NELFCD: variants seen among roughly 807,000 people sequenced by gnomAD.
NELFCD encodes negative elongation factor C/D.
In NELFCD, 48 loss-of-function variants were observed where a neutral mutation model predicts 72.9. The observed-to-expected ratio is 0.66, with a 90% CI of 0.52 to 0.84. The LOEUF is 0.84. Among genes scored for constraint, NELFCD ranks in the 40% least tolerant of loss-of-function variants. The pLI is 0.00. For missense variants in NELFCD, 538 were observed against 723.8 expected (o/e 0.74, Z 2.94); for synonymous variants, 297 against 280.6 (o/e 1.06, Z -0.59).
At position 58,981,353 on chromosome 20, in the gene NELFCD, A is replaced by T; in HGVS notation, c.44A>T (p.Glu15Val). 1 of 1,108,248 alleles carries T rather than the reference A, an allele frequency of 9.0e-7. No individual in the cohort carries two copies. Among genetic ancestry groups the T allele is most frequent in the Non-Finnish European group, 1.1e-6 (1 of 904,918 alleles). 68.7% of individuals were successfully genotyped at this position (1,108,248 alleles called of 1,614,324 possible). The change falls in exon 1 of 15, where the codon GAG (glutamate) becomes GTG (valine). Residue 15 changes from glutamate to valine, a missense_variant. By Grantham distance (121) the Glu-to-Val change is moderately radical. Transcript: ENST00000652272. ...YYGSAAEWGD[E>V]ADGGQQEDDS... ...GGGAGCGCGGCCGAGTGGGGCGACG[A>T]GGCTGACGGCGGCCAGGTGAGGCGG...
chr20:58,986,769 A>C lies in NELFCD; in HGVS notation c.192A>C (p.Gly64=). 1 of 1,612,022 alleles carries C rather than the reference A, an allele frequency of 6.2e-7. No homozygotes were observed. The highest frequency in any genetic ancestry group is 8.5e-7 in the Non-Finnish European group (1 of 1,178,098). ...CTTTCCCTAGGTATTTTCAGGCAGG[A>C]GGGTCTCCAGAGAATGTTATCCAGC... ...FNTLKRYFQA[G]GSPENVIQLL... Residue 64 remains glycine (G), a synonymous_variant, in exon 3 of 15, where the codon GGA becomes GGC. Transcript: ENST00000652272. This position sits in a 1 kb window ranked among gnomAD's most constrained non-coding sequence, Gnocchi z 4.4.
At position 58,991,296 on chromosome 20, in the gene NELFCD, A is replaced by T; in HGVS notation, c.955-16A>T. On this transcript the variant is annotated splice_polypyrimidine_tract_variant and intron_variant, in intron 8 of 14. Transcript: ENST00000652272. ...TCACGCCTGCCATCCCGAACTGGGC[A>T]TATGCTTCTCCTCAGATCCGCGTTC... 6.2e-7 allele frequency: 1 copy of T among 1,614,178 alleles called. No individual in the cohort carries two copies. The highest frequency in any genetic ancestry group is 8.5e-7 in the Non-Finnish European group (1 of 1,180,030).
intron 3 of NELFCD, chr20:58,987,440 T>C (rs1291609236): frequency 2.3e-6 from 1 of 427,474 alleles, no homozygotes; most frequent in Non-Finnish European, 4.2e-6. Context: ...CTGGGGCCAT[T>C]TGTCTTTATC....
rs144525220 is a variant in NELFCD at position 58,993,727 on chromosome 20, A to T, written c.1544A>T (p.Asp515Val). The change falls in exon 13 of 15, where the codon GAC (aspartate) becomes GTC (valine). Residue 515 changes from aspartate to valine, a missense_variant. Asp to Val is a radical substitution (Grantham distance 152). Around this residue, in one of 3 missense-constraint regions of NELFCD, gnomAD observed 136 missense variants for 154.0 expected, o/e 0.88. Transcript: ENST00000652272. The surrounding 1 kb of genome is among the most constrained non-coding windows in gnomAD (Gnocchi z 5.0). ...ATCCGAAAGTGTCTGGAGAAGCTGG[A>T]CACTGACATTTCACTCATTCGCTAT... is the stretch of plus-strand genomic sequence containing the variant. The part of the protein sequence containing the change: ...SYIRKCLEKL[D>V]TDISLIRYFV... 1.2e-6 allele frequency: 2 copies of T among 1,614,136 alleles called. No homozygotes were observed. Among genetic ancestry groups the T allele is most frequent in the Non-Finnish European group, 1.7e-6 (2 of 1,180,054 alleles).
intron 1 of NELFCD, among the ~76,000 whole-genome samples, chr20:58,981,785 T>G (rs2091735125): frequency 6.6e-6 from 1 of 152,216 alleles, no homozygotes; most frequent in Admixed American, 6.5e-5. Flanking sequence ...TGGAAAAACT[T>G]CACAGCAGCA....
chr20:58,991,197 C>A, intron 8 of NELFCD, 115 bp from the exon 9 acceptor site: 1 of 1,554,464 alleles, frequency 6.4e-7, no homozygotes, highest in South Asian at 1.2e-5. Flanking sequence ...CTTCCTCAGT[C>A]ACACTCTCTG....
intron 5 of NELFCD, 153 bp from the exon 6 acceptor site, chr20:58,989,335 C>T: frequency 1.1e-6 from 1 of 875,464 alleles, no homozygotes; most frequent in Non-Finnish European, 1.8e-6. Flanking sequence ...AGGGCACACA[C>T]CTAGGTGATA....
intron 4 of NELFCD, 115 bp from the exon 5 acceptor site, chr20:58,988,799 A>G: frequency 1.4e-6 from 1 of 709,160 alleles, no homozygotes; most frequent in South Asian, 1.7e-5. Context: ...CCAGAACTAG[A>G]TGCCCATGGG....
intron 10 of NELFCD, 94 bp downstream of exon 10, chr20:58,992,114 C>A: frequency 7.9e-7 from 1 of 1,271,752 alleles, no homozygotes; most frequent in Non-Finnish European, 1.1e-6. Flanking sequence ...AAAGCTTCAG[C>A]GATACTTGTT....
Position 58,994,826 on chromosome 20 carries a change from TAGC to T in NELFCD, c.*154_*156del, listed in dbSNP as rs2091847821. The T allele has an allele frequency of 4.5e-6, 3 of 666,538 alleles. No homozygotes were observed. Among genetic ancestry groups the T allele is most frequent in the Admixed American group, 2.7e-5 (1 of 37,652 alleles). 41.3% of individuals were successfully genotyped at this position (666,538 alleles called of 1,614,324 possible). A position where few individuals can be genotyped will look rare whatever the true frequency, so the allele number is the denominator to read the frequency against. ...ATGACTTCTTTACAAAGGAAAATGG[TAGC>T]AGCTTCAGTGAGAAACTGCCCTTAC... On this transcript the variant is annotated 3_prime_UTR_variant, in exon 15 of 15. Transcript: ENST00000652272.
chr20:58,983,463 G>A lies in NELFCD; in HGVS notation c.60+2094G>A, dbSNP rs1318999884. Among the ~76,000 whole-genome samples the A allele has an allele frequency of 4.3e-5, 6 of 140,350 alleles. 1 individual carries two copies. The highest frequency in any genetic ancestry group is 2.3e-4 in the South Asian group (1 of 4,334). The allele number at this position is 140,350 out of a possible 152,430, so 92.1% of individuals were successfully genotyped here. A position where few individuals can be genotyped will look rare whatever the true frequency, so the allele number is the denominator to read the frequency against. ...TTTTTTTTTTTTTTTTCTTTGAGAC[G>A]GAGTCTCACTCTGTCACCCAGGCTG... On this transcript the variant is annotated intron_variant, in intron 1 of 14. Coordinates refer to ENST00000652272, the MANE Select transcript of NELFCD (RefSeq NM_198976.4).
intron 3 of NELFCD, chr20:58,987,147 G>A: frequency 2.7e-6 from 1 of 374,194 alleles, no homozygotes; most frequent in Admixed American, 4.6e-5. Context: ...GGATTATACA[G>A]TGTGTGTTCA....
chr20:58,984,926 C>T (rs1354026536), intron 1 of NELFCD, among the ~76,000 whole-genome samples: 1 of 152,194 alleles, frequency 6.6e-6, no homozygotes, highest in African/African-American at 2.4e-5. Flanking sequence ...CTCAGCGTTC[C>T]CCATGCAAAT....
At chr20:58,987,661 G>A in intron 3 of NELFCD, 47 bp from the exon 4 acceptor site, 1 of 1,495,450 alleles carries the variant, frequency 6.7e-7, no homozygotes, top group Non-Finnish European at 9.3e-7. Flanking sequence ...AAGCCACACA[G>A]TGAATGGACA....
At chr20:58,982,375 C>G (rs1446823740) in intron 1 of NELFCD, among the ~76,000 whole-genome samples, 1 of 151,994 alleles carries the variant, frequency 6.6e-6, no homozygotes, top group African/African-American at 2.4e-5. Flanking sequence ...CCAGGCTGGT[C>G]TCAAACTCTT....
At position 58,986,079 on chromosome 20, in the gene NELFCD, G is replaced by C. The variant is rs373002041; in HGVS notation, c.61-14G>C. On this transcript the variant is annotated splice_polypyrimidine_tract_variant and intron_variant, in intron 1 of 14. Transcript: ENST00000652272. The surrounding 1 kb of genome is among the most constrained non-coding windows in gnomAD (Gnocchi z 4.4). ...AATGAAAAAAATATCCTGGCTCTTC[G>C]CATTTACCAACAGCAGGAGGATGAT... 1.9e-6 allele frequency: 3 copies of C among 1,567,030 alleles called. No homozygotes were observed. In the South Asian group the frequency reaches 3.3e-5, roughly 17 times the overall value.
chr20:58,984,828 G>A (rs895953961), intron 1 of NELFCD, among the ~76,000 whole-genome samples: 6 of 152,338 alleles, frequency 3.9e-5, no homozygotes, highest in Non-Finnish European at 8.8e-5. Flanking sequence ...AGGCAGGTAG[G>A]TGAGTGCCCA....
At chr20:58,984,140 C>T (rs948672704) in intron 1 of NELFCD, among the ~76,000 whole-genome samples, 3 of 152,132 alleles carry the variant, frequency 2.0e-5, no homozygotes, top group Non-Finnish European at 4.4e-5. Context: ...CCGTGATGTT[C>T]AGTCTGGATG....
intron 6 of NELFCD, 97 bp from the exon 7 acceptor site, chr20:58,989,761 T>C: frequency 6.2e-7 from 1 of 1,607,180 alleles, no homozygotes; most frequent in Non-Finnish European, 8.5e-7. Context: ...TCCAGGATGC[T>C]CACTCCCGGG....
Sources: allele counts gnomAD v4.1 joint callset (sites outside exome capture counted in the v4.1 genomes callset), GRCh38; gene constraint gnomAD v4.1.1; regional missense constraint gnomAD v4.1.1; non-coding constraint Gnocchi (gnomAD v3.1); transcripts MANE v1.5; gene names NCBI Gene and HGNC (gene_info 2026-07-23, HGNC 2026-07-21).